RYR3: variants seen among roughly 807,000 people sequenced by gnomAD.
RYR3 encodes ryanodine receptor 3, also known as brain ryanodine receptor-calcium release channel.
RYR3 carries 207 observed loss-of-function variants against 584.3 expected under a neutral mutation model. That is an observed-to-expected ratio of 0.35 (90% CI 0.32 to 0.40). The LOEUF is 0.40. RYR3 is among the 10% of genes least tolerant of loss of function. The pLI, the probability that RYR3 is intolerant of heterozygous loss-of-function variation, is 1.00. For synonymous variants in RYR3, 2,416 were observed against 2,248.5 expected (o/e 1.07, Z -2.11); for missense variants, 5,616 against 6,089.2 (o/e 0.92, Z 2.59).
At chr15:33,746,803 CTTTTT>C (rs367738785) in intron 53 of RYR3, among the ~76,000 whole-genome samples, 6 of 135,692 alleles carry the variant, frequency 4.4e-5, no homozygotes, top group Non-Finnish European at 7.9e-5. Context: ...TTTCTTTCTT[CTTTTT>C]TTTTTTTTTT....
intron 1 of RYR3, among the ~76,000 whole-genome samples, chr15:33,364,091 T>C (rs965737779): frequency 3.9e-5 from 6 of 152,232 alleles, no homozygotes; most frequent in African/African-American, 1.4e-4. Flanking sequence ...AATATCTCAT[T>C]AGTAACTTCT....
chr15:33,470,619 C>G (rs1408917243), intron 1 of RYR3, among the ~76,000 whole-genome samples: 1 of 152,064 alleles, frequency 6.6e-6, no homozygotes, highest in Admixed American at 6.6e-5. Context: ...GGTGGATAGT[C>G]CAGTTCTGGA....
intron 1 of RYR3, among the ~76,000 whole-genome samples, chr15:33,339,267 T>C (rs1023540179): frequency 6.6e-6 from 1 of 152,200 alleles, no homozygotes; most frequent in African/African-American, 2.4e-5. Flanking sequence ...CAGGTCAGAC[T>C]GGAAGGGCTG....
chr15:33,757,929 C>T (rs1409594424), intron 60 of RYR3: 2 of 281,456 alleles, frequency 7.1e-6, no homozygotes, highest in African/African-American at 4.3e-5. Flanking sequence ...GTCTGCATTT[C>T]CAACTGAGGT....
At chr15:33,389,133 C>T (rs1053959406) in intron 1 of RYR3, among the ~76,000 whole-genome samples, 4 of 150,964 alleles carry the variant, frequency 2.6e-5, no homozygotes, top group African/African-American at 7.3e-5. Flanking sequence ...TATTAAATGA[C>T]GAGTTAATGG....
chr15:33,582,327 G>A (rs1418636272), intron 14 of RYR3, among the ~76,000 whole-genome samples: 1 of 152,168 alleles, frequency 6.6e-6, no homozygotes, highest in African/African-American at 2.4e-5. Flanking sequence ...TGAAGTGTGT[G>A]TCCCACTGAG....
intron 45 of RYR3, among the ~76,000 whole-genome samples, chr15:33,725,976 C>CCCCGCCCAAA (rs1555427643): frequency 3.2e-5 from 1 of 31,516 alleles, no homozygotes; most frequent in African/African-American, 1.1e-4. Flanking sequence ...TCCCCCCCCC[C>CCCCGCCCAAA]AAAAAAAAAA....
At position 33,807,686 on chromosome 15, in the gene RYR3, A is replaced by G. The variant is rs1318088974; in HGVS notation, c.10026+117A>G. On this transcript the variant is annotated intron_variant, in intron 70 of 103. Coordinates refer to ENST00000634891, the MANE Select transcript of RYR3 (RefSeq NM_001036.6). ...GTAGAGAATGGATTTTCCCGCCTGG[A>G]GGTCCCCCAGGCCTGCTCCAGGGAA... 7.0e-6 allele frequency: 7 copies of G among 1,000,828 alleles called. No homozygotes were observed. In the African/African-American group the frequency reaches 9.6e-5, roughly 14 times the overall value. The allele number at this position is 1,000,828 out of a possible 1,614,324, so 62.0% of individuals were successfully genotyped here. A position where few individuals can be genotyped will look rare whatever the true frequency, so the allele number is the denominator to read the frequency against.
At chr15:33,550,904 C>T (rs998165800) in intron 10 of RYR3, among the ~76,000 whole-genome samples, 2 of 152,148 alleles carry the variant, frequency 1.3e-5, no homozygotes, top group Non-Finnish European at 2.9e-5. Context: ...TTAACTATCC[C>T]TACTCCCCAC....
chr15:33,781,861 G>GGT (rs2074405918), intron 65 of RYR3, among the ~76,000 whole-genome samples: 5 of 146,738 alleles, frequency 3.4e-5, no homozygotes, highest in Non-Finnish European at 5.9e-5. Flanking sequence ...AAAAAAAAAG[G>GGT]GGGGGGGGAT....
In RYR3 at chr15:33,562,883, G is replaced by T. The variant is rs368395906; in HGVS notation, c.1019G>T (p.Gly340Val). ...LDSSHKRDIEGMGVPEIKYGD... is the reference protein window; with the variant it reads ...LDSSHKRDIEVMGVPEIKYGD... ...TCCAGTCACAAGCGAGACATAGAAG[G>T]CATGGGAGTTCCAGAAATCAAGTAT... is the stretch of plus-strand genomic sequence containing the variant. The change falls in exon 11 of 104, where the codon GGC becomes GTC. Residue 340 changes from glycine (G) to valine (V), a missense_variant. Around this residue, in one of 9 missense-constraint regions of RYR3, gnomAD observed 1,284 missense variants for 1,344.6 expected, o/e 0.95. Coordinates refer to ENST00000634891, the MANE Select transcript of RYR3 (RefSeq NM_001036.6). The T allele has an allele frequency of 1.2e-6, 2 of 1,613,370 alleles. No individual in the cohort carries two copies. The highest frequency in any genetic ancestry group is 1.7e-6 in the Non-Finnish European group (2 of 1,179,388).
Position 33,788,692 on chromosome 15 carries a change from G to A in RYR3, c.9830+234G>A, listed in dbSNP as rs1402692900. ...ACATGGCCATCTCCTCCATCCTTAC[G>A]GGCTACCACAGGTCAGAGGAAGTTG... On this transcript the variant is annotated intron_variant, in intron 67 of 103. Coordinates refer to ENST00000634891, the MANE Select transcript of RYR3 (RefSeq NM_001036.6). 5.9e-5 allele frequency among the ~76,000 whole-genome samples: 9 copies of A among 152,114 alleles called. No individual in the cohort carries two copies. In the East Asian group the frequency reaches 1.2e-3, roughly 20 times the overall value.
intron 1 of RYR3, among the ~76,000 whole-genome samples, chr15:33,365,898 TATCTC>T (rs1975430894): frequency 6.6e-6 from 1 of 152,226 alleles, no homozygotes; most frequent in Non-Finnish European, 1.5e-5. Context: ...TTAAAAAAGT[TATCTC>T]AGAGTAGTTT....
At chr15:33,681,865 CGTAG>C (rs1228717890) in intron 38 of RYR3, among the ~76,000 whole-genome samples, 1 of 152,184 alleles carries the variant, frequency 6.6e-6, no homozygotes, top group Non-Finnish European at 1.5e-5. Flanking sequence ...ACAACACCAG[CGTAG>C]GTTTGAGATC....
chr15:33,763,457 A>C (rs2072689998), intron 60 of RYR3, among the ~76,000 whole-genome samples: 1 of 152,196 alleles, frequency 6.6e-6, no homozygotes, highest in African/African-American at 2.4e-5. Context: ...GGGGTGAAGG[A>C]TATGAACAGA....
At chr15:33,743,481 A>G (rs1253207548) in intron 52 of RYR3, among the ~76,000 whole-genome samples, 1 of 152,160 alleles carries the variant, frequency 6.6e-6, no homozygotes, top group Admixed American at 6.5e-5. Context: ...TTCCAATCAC[A>G]TTTTATTAAT....
intron 1 of RYR3, among the ~76,000 whole-genome samples, chr15:33,432,431 CTT>C (rs1376682445): frequency 6.6e-6 from 1 of 151,912 alleles, no homozygotes; most frequent in Non-Finnish European, 1.5e-5. Context: ...GGTTCCAAGA[CTT>C]TTTCTTGTCT....
intron 72 of RYR3, among the ~76,000 whole-genome samples, chr15:33,812,629 A>C (rs979033402): frequency 1.3e-5 from 2 of 152,220 alleles, no homozygotes; most frequent in African/African-American, 4.8e-5. Context: ...AAAATGCAAC[A>C]CAGAGAGATG....
intron 94 of RYR3, chr15:33,848,986 C>G (rs746263745): frequency 6.6e-6 from 1 of 152,470 alleles, no homozygotes; most frequent in African/African-American, 2.4e-5. Context: ...CAGGCGCCTG[C>G]CACCACGCCT....
Sources: allele counts gnomAD v4.1 joint callset (sites outside exome capture counted in the v4.1 genomes callset), GRCh38; gene constraint gnomAD v4.1.1; regional missense constraint gnomAD v4.1.1; transcripts MANE v1.5; gene names NCBI Gene and HGNC (gene_info 2026-07-23, HGNC 2026-07-21).